Variants in SPNS3 observed in about 807,000 individuals in gnomAD.
SPNS3 encodes the protein protein spinster homolog 3.
A neutral mutation model predicts 54.4 loss-of-function variants in SPNS3; 51 were observed. The ratio of observed to expected loss-of-function variants is 0.94; its 90% CI spans 0.75 to 1.18. The LOEUF (loss-of-function observed/expected upper bound fraction) is 1.18. SPNS3 is among the 50% of genes most tolerant of loss of function. The pLI is 0.00. For missense variants in SPNS3, 669 were observed against 677.4 expected (o/e 0.99, Z 0.14); for synonymous variants, 309 against 294.7 (o/e 1.05, Z -0.50).
intron 8 of SPNS3, among the ~76,000 whole-genome samples, chr17:4,467,478 C>T (rs72819695): frequency 0.061 from 9,310 of 152,032 alleles, 358 homozygotes; most frequent in Admixed American, 0.1. Context: ...TACTCACCTC[C>T]GGCTGTCCCC....
chr17:4,447,439 C>T (rs1386616860), intron 5 of SPNS3, among the ~76,000 whole-genome samples: 2 of 152,180 alleles, frequency 1.3e-5, no homozygotes, highest in African/African-American at 2.4e-5. Flanking sequence ...CCAACGTGGG[C>T]ATGGAGAGGG....
At chr17:4,465,865 T>A (rs1008202701) in intron 8 of SPNS3, among the ~76,000 whole-genome samples, 3 of 152,216 alleles carry the variant, frequency 2.0e-5, no homozygotes, top group Non-Finnish European at 4.4e-5. Flanking sequence ...TTCTCTTCTG[T>A]CCCCTGGGCC....
In SPNS3 at chr17:4,478,625, C is replaced by T. The variant is rs773942317; in HGVS notation, c.1167C>T (p.Ala389=). The part of the protein sequence containing the change: ...LLLSCNWAVV[A]DILLSVVVPR... Reference sequence around the variant, plus strand: ...TGTCCTGCAACTGGGCAGTGGTTGCCGACATCCTGCTGGTAGGTGTGGGAG... The same window carrying T: ...TGTCCTGCAACTGGGCAGTGGTTGCTGACATCCTGCTGGTAGGTGTGGGAG... The change falls in exon 9 of 12, where the codon GCC becomes GCT. Residue 389 remains alanine (A), a synonymous_variant. Transcript: ENST00000355530. 7.6e-6 allele frequency: 12 copies of T among 1,588,824 alleles called. No individual in the cohort carries two copies. Among genetic ancestry groups the T allele is most frequent in the South Asian group, 4.6e-5 (4 of 86,894 alleles).
At chr17:4,473,982 C>T (rs1971923733) in intron 8 of SPNS3, among the ~76,000 whole-genome samples, 1 of 150,872 alleles carries the variant, frequency 6.6e-6, no homozygotes, top group South Asian at 2.1e-4. Flanking sequence ...CCCTTTCTAC[C>T]TGGCTTTCTG....
At chr17:4,459,557 CA>C in intron 8 of SPNS3, among the ~76,000 whole-genome samples, 1 of 152,026 alleles carries the variant, frequency 6.6e-6, no homozygotes, top group Non-Finnish European at 1.5e-5. Context: ...ACTAAAAATA[CA>C]AAAAATTAGC....
Position 4,448,243 on chromosome 17 carries a change from A to G in SPNS3, c.710A>G (p.Glu237Gly). ...CGGGGAGCTGCCGAGACACAGGGGG[A>G]GGGGGCCGTGGGAGGCTTCAGGAGC... ...PPRGAAETQG[E>G]GAVGGFRSSW... is the part of the protein sequence containing the mutation. The change falls in exon 6 of 12, where the codon GAG becomes GGG. Residue 237 changes from glutamate to glycine, a missense_variant. Glu to Gly is a moderately conservative substitution (Grantham distance 98). Transcript: ENST00000355530. 4 of 1,596,932 alleles carry G rather than the reference A, an allele frequency of 2.5e-6. No individual in the cohort carries two copies. Among genetic ancestry groups the G allele is most frequent in the African/African-American group, 2.7e-5 (2 of 74,160 alleles).
chr17:4,464,529 C>T (rs1320721912), intron 8 of SPNS3, among the ~76,000 whole-genome samples: 3 of 152,120 alleles, frequency 2.0e-5, no homozygotes, highest in African/African-American at 7.2e-5. Flanking sequence ...GGCCATCATT[C>T]CTTCTTTCCT....
At chr17:4,439,952 G>C (rs1970807882) in intron 2 of SPNS3, among the ~76,000 whole-genome samples, 1 of 152,256 alleles carries the variant, frequency 6.6e-6, no homozygotes, top group African/African-American at 2.4e-5. Flanking sequence ...GGGGGAGGTG[G>C]GGCTGGGAGA....
At chr17:4,461,292 G>A (rs1383162206) in intron 8 of SPNS3, among the ~76,000 whole-genome samples, 1 of 148,380 alleles carries the variant, frequency 6.7e-6, no homozygotes, top group Non-Finnish European at 1.5e-5. Flanking sequence ...TTTTTTCAAA[G>A]AACCAACTTT....
intron 7 of SPNS3, among the ~76,000 whole-genome samples, chr17:4,451,130 C>T (rs1232565016): frequency 2.6e-5 from 4 of 152,156 alleles, no homozygotes; most frequent in African/African-American, 4.8e-5. Context: ...CAGCCCAGAC[C>T]AGGACTCAGA....
At chr17:4,458,449 T>C (rs549246333) in intron 8 of SPNS3, among the ~76,000 whole-genome samples, 4,445 of 71,854 alleles carry the variant, frequency 0.062, 88 homozygotes, top group Non-Finnish European at 0.11. Context: ...CTCCCTCCCT[T>C]CTTTCTTCTT....
intron 1 of SPNS3, among the ~76,000 whole-genome samples, chr17:4,434,977 AT>A (rs1970676988): frequency 1.3e-5 from 2 of 149,212 alleles, no homozygotes; most frequent in Admixed American, 1.3e-4. Context: ...TAGTTTTTGT[AT>A]TTTTAGTAGA....
intron 8 of SPNS3, among the ~76,000 whole-genome samples, chr17:4,455,768 C>T (rs1384561564): frequency 2.0e-5 from 3 of 152,176 alleles, no homozygotes; most frequent in Non-Finnish European, 4.4e-5. Flanking sequence ...TCCATTCTCC[C>T]CGAATGCCAG....
At chr17:4,446,682 G>A in intron 4 of SPNS3, 1 of 607,022 alleles carries the variant, frequency 1.6e-6, no homozygotes, top group Admixed American at 2.8e-5. Context: ...GTGGCGCTGG[G>A]GGTGGGCCAG....
chr17:4,471,193 G>T (rs1246195557), intron 8 of SPNS3, among the ~76,000 whole-genome samples: 1 of 152,108 alleles, frequency 6.6e-6, no homozygotes, highest in Admixed American at 6.6e-5. Flanking sequence ...CAAAGTGCTG[G>T]GATTACAGGC....
chr17:4,446,474 A>G, intron 4 of SPNS3: 1 of 487,830 alleles, frequency 2.0e-6, no homozygotes, highest in South Asian at 3.1e-5. Flanking sequence ...TGGCCCACCC[A>G]GGGAAGGGCC....
intron 5 of SPNS3, among the ~76,000 whole-genome samples, chr17:4,447,476 T>C (rs568736594): frequency 6.6e-6 from 1 of 152,270 alleles, no homozygotes; most frequent in East Asian, 1.9e-4. Context: ...AGGAACTCCA[T>C]AGTGGAGGGT....
chr17:4,441,981 GAAGTGTGTGTGT>G (rs1231503750), intron 2 of SPNS3, among the ~76,000 whole-genome samples: 6 of 89,038 alleles, frequency 6.7e-5, no homozygotes, highest in Non-Finnish European at 1.5e-4. Context: ...CACGGAGGGA[GAAGTGTGTGTGT>G]GTGTGTGTGT....
chr17:4,438,046 C>G (rs1388453215), intron 1 of SPNS3, among the ~76,000 whole-genome samples: 1 of 152,238 alleles, frequency 6.6e-6, no homozygotes, highest in Non-Finnish European at 1.5e-5. Flanking sequence ...CTCGGCCTCC[C>G]AAAGTGCTGG....
Sources: gnomAD v4.1 joint callset for allele counts (sites outside exome capture counted in the v4.1 genomes callset) on GRCh38, gnomAD v4.1.1 for gene constraint, MANE v1.5 for transcripts, NCBI Gene and HGNC (gene_info 2026-07-23, HGNC 2026-07-21) for gene names.